DYSF: variants seen among roughly 807,000 people sequenced by gnomAD.
DYSF encodes the protein dystrophy-associated fer-1-like 1.
DYSF carries 212 observed loss-of-function variants against 274.9 expected under a neutral mutation model. That is an observed-to-expected ratio of 0.77 (90% CI 0.69 to 0.86). The LOEUF is 0.86. DYSF is among the 40% of genes least tolerant of loss of function. The pLI is 0.00. For synonymous variants in DYSF, 1,091 were observed against 1,078.7 expected (o/e 1.01, Z -0.22); for missense variants, 2,666 against 2,783.2 (o/e 0.96, Z 0.95).
chr2:71,458,570 T>C (rs1337627050), intron 1 of DYSF, among the ~76,000 whole-genome samples: 1 of 152,170 alleles, frequency 6.6e-6, no homozygotes, highest in Non-Finnish European at 1.5e-5. Flanking sequence ...TGGGGTACTT[T>C]CTCTTTCTGG....
At chr2:71,467,793 T>C (rs1277540648) in intron 1 of DYSF, among the ~76,000 whole-genome samples, 2 of 152,098 alleles carry the variant, frequency 1.3e-5, no homozygotes, top group African/African-American at 4.8e-5. Context: ...CCCTGTAGCT[T>C]TGTGGAATCG....
chr2:71,533,684 G>T lies in DYSF; in HGVS notation c.1381-1337G>T, dbSNP rs116792946. On this transcript the variant is annotated intron_variant, in intron 14 of 55. Coordinates refer to ENST00000410020, the MANE Select transcript of DYSF (RefSeq NM_001130987.2). ...TGCATTTGAAACTACAATACATAGT[G>T]GCCAATTGTCCTCTGAAGGGGTCAA... Among the ~76,000 whole-genome samples the T allele has an allele frequency of 3.5e-3, 538 of 152,286 alleles. 5 individuals carry two copies. Among genetic ancestry groups the T allele is most frequent in the African/African-American group, 0.013 (522 of 41,556 alleles).
chr2:71,481,830 T>A, intron 2 of DYSF, 49 bp from the exon 3 acceptor site: 1 of 1,517,682 alleles, frequency 6.6e-7, no homozygotes. Context: ...ACACAGTCTC[T>A]TCTCCTAGAG....
At chr2:71,486,608 T>C (rs4309600) in intron 3 of DYSF, among the ~76,000 whole-genome samples, 27,855 of 152,018 alleles carry the variant, frequency 0.18, 2,659 homozygotes, top group Admixed American at 0.25. Flanking sequence ...GGGAATCCTT[T>C]CATGCCTCAG....
chr2:71,543,534 G>T (rs1373290068), intron 17 of DYSF, among the ~76,000 whole-genome samples: 1 of 152,310 alleles, frequency 6.6e-6, no homozygotes, highest in South Asian at 2.1e-4. Context: ...GGTTGATAGC[G>T]AGCCGAGATC....
At chr2:71,637,293 C>T (rs774834754) in intron 41 of DYSF, among the ~76,000 whole-genome samples, 7 of 152,070 alleles carry the variant, frequency 4.6e-5, no homozygotes, top group Non-Finnish European at 8.8e-5. Context: ...AGAGGATGAG[C>T]CCCAGGCATG....
chr2:71,654,801 A>G (rs2094737145), intron 42 of DYSF, among the ~76,000 whole-genome samples: 1 of 145,982 alleles, frequency 6.9e-6, no homozygotes, highest in Admixed American at 6.9e-5. Flanking sequence ...GTTACAGGCC[A>G]GGCACAGTGG....
chr2:71,526,416 G>GGGGGGGGC, intron 13 of DYSF, 70 bp downstream of exon 13: 1 of 513,690 alleles, frequency 1.9e-6, no homozygotes, highest in Non-Finnish European at 3.7e-6. Flanking sequence ...GGGGGTGGGC[G>GGGGGGGGC]ATGGCGGGCG....
In DYSF at chr2:71,520,918, C is replaced by T; in HGVS notation, c.1149+14C>T. 1 of 1,612,864 alleles carries T rather than the reference C, an allele frequency of 6.2e-7. No individual in the cohort carries two copies. The highest frequency in any genetic ancestry group is 8.5e-7 in the Non-Finnish European group (1 of 1,178,900). On this transcript the variant is annotated intron_variant, in intron 12 of 55. Transcript: ENST00000410020. The stretch of plus-strand genomic sequence containing the variant: ...GACGAAGCGCCTGTGAGTACATTTC[C>T]CTGGGTCTTCCTTACGGTCCCCCAC...
chr2:71,517,241 AG>A (rs1454969955), intron 10 of DYSF, among the ~76,000 whole-genome samples: 4 of 152,222 alleles, frequency 2.6e-5, no homozygotes, highest in African/African-American at 4.8e-5. Flanking sequence ...AGAGAAAGAA[AG>A]CACTTTTTGT....
chr2:71,537,178 A>G (rs2089428564), intron 16 of DYSF, among the ~76,000 whole-genome samples: 1 of 150,400 alleles, frequency 6.6e-6, no homozygotes, highest in South Asian at 2.1e-4. Flanking sequence ...TGGTGCTGAG[A>G]ATATCACTGT....
chr2:71,517,155 A>T (rs2086744239), intron 10 of DYSF, 116 bp downstream of exon 10: 2 of 1,040,156 alleles, frequency 1.9e-6, no homozygotes, highest in African/African-American at 1.6e-5. Context: ...TTGGGAAAAT[A>T]TAATTTCAAA....
chr2:71,572,766 G>C (rs1379700104), intron 29 of DYSF, among the ~76,000 whole-genome samples: 1 of 152,192 alleles, frequency 6.6e-6, no homozygotes, highest in African/African-American at 2.4e-5. Flanking sequence ...TAGCATGGGG[G>C]TTCCCTGGAG....
intron 52 of DYSF, among the ~76,000 whole-genome samples, chr2:71,675,301 T>C (rs1464105744): frequency 6.6e-6 from 1 of 152,136 alleles, no homozygotes; most frequent in African/African-American, 2.4e-5. Context: ...AAGTGGTGCA[T>C]TTATGTGAGG....
chr2:71,485,961 G>C lies in DYSF; in HGVS notation c.239+3991G>C, dbSNP rs1359153494. Among the ~76,000 whole-genome samples, 3 of 152,052 alleles carry C rather than the reference G, an allele frequency of 2.0e-5. No individual in the cohort carries two copies. The East Asian group carries it at 5.8e-4, about 29-fold the overall frequency. ...CCCAAAATGCTGGGATTACAAGCGT[G>C]AGCCACCGCGCCCAGCCCTTCAATG... On this transcript the variant is annotated intron_variant, in intron 3 of 55. Transcript: ENST00000410020.
At chr2:71,673,103 C>T (rs150623659) in intron 51 of DYSF, among the ~76,000 whole-genome samples, 189 of 152,336 alleles carry the variant, frequency 1.2e-3, no homozygotes, top group African/African-American at 4.1e-3. Flanking sequence ...GAGTTGGGTC[C>T]AGGCCCTTGC....
chr2:71,591,292 C>T (rs558119991), intron 32 of DYSF, among the ~76,000 whole-genome samples: 1 of 152,342 alleles, frequency 6.6e-6, no homozygotes, highest in East Asian at 1.9e-4. Flanking sequence ...TGCTCCTTCC[C>T]TCAGCACTTG....
chr2:71,570,452 G>T, intron 28 of DYSF, 118 bp downstream of exon 28: 1 of 1,418,220 alleles, frequency 7.1e-7, no homozygotes, highest in Non-Finnish European at 9.8e-7. Context: ...GACGCTTCTT[G>T]AAGGCACCCC....
At chr2:71,500,557 G>A (rs1369848475) in intron 3 of DYSF, among the ~76,000 whole-genome samples, 1 of 152,110 alleles carries the variant, frequency 6.6e-6, no homozygotes, top group African/African-American at 2.4e-5. Context: ...CAGGGGTGGG[G>A]GTGCTACTTC....
Sources: gnomAD v4.1 joint callset for allele counts (sites outside exome capture counted in the v4.1 genomes callset) on GRCh38, gnomAD v4.1.1 for gene constraint, MANE v1.5 for transcripts, NCBI Gene and HGNC (gene_info 2026-07-23, HGNC 2026-07-21) for gene names.